Variants in RBFOX1 observed in about 807,000 individuals in gnomAD.
RBFOX1 encodes the protein RNA binding protein fox-1 homolog 1.
RBFOX1 carries 8 observed loss-of-function variants against 57.7 expected under a neutral mutation model. The observed-to-expected ratio is 0.14, with a 90% CI of 0.08 to 0.25. RBFOX1 has a LOEUF of 0.25. Ranked by LOEUF, RBFOX1 falls within the 10% of genes least tolerant of loss-of-function variation. RBFOX1 has a pLI of 1.00. For synonymous variants in RBFOX1, 326 were observed against 222.4 expected, an observed-to-expected ratio of 1.47 and a Z score of -4.15; for missense variants, 611 against 548.5, an observed-to-expected ratio of 1.11 and a Z score of -1.14.
At chr16:6,079,419 T>C (rs1416317011) in intron 1 of RBFOX1, among the ~76,000 whole-genome samples, 3 of 152,202 alleles carry the variant, frequency 2.0e-5, no homozygotes, top group Admixed American at 1.3e-4. Context: ...TCAAGTGATC[T>C]TCCTACTTCA....
intron 3 of RBFOX1, among the ~76,000 whole-genome samples, chr16:6,902,735 A>G (rs1043444475): frequency 1.3e-5 from 2 of 152,204 alleles, no homozygotes; most frequent in African/African-American, 4.8e-5. Context: ...AACAGGAAGA[A>G]GTGGTTTCCA....
intron 1 of RBFOX1, among the ~76,000 whole-genome samples, chr16:5,255,592 C>T (rs548734566): frequency 6.6e-6 from 1 of 152,042 alleles, no homozygotes; most frequent in East Asian, 2.0e-4. Context: ...ATCCCTCCAC[C>T]CATTCACCCA....
intron 3 of RBFOX1, among the ~76,000 whole-genome samples, chr16:6,788,313 C>T (rs929824852): frequency 5.3e-5 from 8 of 152,062 alleles, no homozygotes; most frequent in South Asian, 4.2e-4. Flanking sequence ...AATTCCCCAG[C>T]ATCTGCAGAG....
At chr16:7,131,103 G>C (rs376798230) in intron 4 of RBFOX1, among the ~76,000 whole-genome samples, 1 of 152,092 alleles carries the variant, frequency 6.6e-6, no homozygotes, top group Admixed American at 6.5e-5. Flanking sequence ...CCAGCATTTT[G>C]GGAAGCCAAG....
At chr16:7,417,797 A>G (rs1033963899) in intron 4 of RBFOX1, among the ~76,000 whole-genome samples, 35 of 152,306 alleles carry the variant, frequency 2.3e-4, no homozygotes, top group Non-Finnish European at 4.1e-4. Flanking sequence ...CCCTCTGTGC[A>G]TGTGTGTGGT....
chr16:5,598,048 G>A (rs2047244690), intron 2 of RBFOX1, among the ~76,000 whole-genome samples: 1 of 152,084 alleles, frequency 6.6e-6, no homozygotes, highest in Admixed American at 6.6e-5. Flanking sequence ...GGTAATGTTA[G>A]TACTTTGGGA....
chr16:5,919,446 G>T (rs552454737), intron 4 of RBFOX1, among the ~76,000 whole-genome samples: 7 of 152,082 alleles, frequency 4.6e-5, no homozygotes, highest in Non-Finnish European at 1.0e-4. Flanking sequence ...GGGTTCAAGC[G>T]ATTCTCCTGC....
intron 2 of RBFOX1, among the ~76,000 whole-genome samples, chr16:6,472,292 A>C (rs988050386): frequency 6.6e-6 from 1 of 152,162 alleles, no homozygotes; most frequent in South Asian, 2.1e-4. Context: ...TTAGGGAGAA[A>C]TGATTGGTAT....
intron 3 of RBFOX1, among the ~76,000 whole-genome samples, chr16:5,741,002 TA>T (rs1024384831): frequency 1.3e-5 from 2 of 152,024 alleles, no homozygotes; most frequent in Non-Finnish European, 2.9e-5. Context: ...AGGCAGGTGG[TA>T]AAAAATTAAA....
At chr16:7,654,197 C>A (rs937881502) in intron 12 of RBFOX1, among the ~76,000 whole-genome samples, 8 of 152,220 alleles carry the variant, frequency 5.3e-5, no homozygotes, top group Non-Finnish European at 1.2e-4. Context: ...TATGTAAATT[C>A]TCTTTGAGAC....
intron 1 of RBFOX1, among the ~76,000 whole-genome samples, chr16:6,139,472 G>T (rs981833769): frequency 6.6e-6 from 1 of 152,124 alleles, no homozygotes; most frequent in African/African-American, 2.4e-5. Flanking sequence ...ATTCAGCACA[G>T]TTCAGCCTGA....
chr16:7,480,349 C>G (rs200425282), intron 4 of RBFOX1, among the ~76,000 whole-genome samples: 2 of 152,156 alleles, frequency 1.3e-5, no homozygotes, highest in East Asian at 3.9e-4. Flanking sequence ...GCTGGTAGCA[C>G]TATCCTTTTA....
intron 3 of RBFOX1, among the ~76,000 whole-genome samples, chr16:6,699,234 G>A (rs974612617): frequency 2.0e-5 from 3 of 151,570 alleles, no homozygotes; most frequent in Non-Finnish European, 2.9e-5. Context: ...GACCACCTTA[G>A]CCTTGAACTC....
intron 3 of RBFOX1, among the ~76,000 whole-genome samples, chr16:6,738,675 C>A (rs892925464): frequency 6.6e-6 from 1 of 152,158 alleles, no homozygotes; most frequent in African/African-American, 2.4e-5. Context: ...CCCAAAAGAG[C>A]AGAATACACA....
intron 2 of RBFOX1, among the ~76,000 whole-genome samples, chr16:6,615,745 A>G (rs904397877): frequency 6.6e-6 from 1 of 152,146 alleles, no homozygotes; most frequent in East Asian, 1.9e-4. Flanking sequence ...GTCTCTCTAT[A>G]TAGCTTCCGT....
chr16:5,745,118 GT>G (rs1371933937), intron 3 of RBFOX1, among the ~76,000 whole-genome samples: 4 of 152,132 alleles, frequency 2.6e-5, no homozygotes, highest in Admixed American at 1.3e-4. Context: ...ACAGGCCCCG[GT>G]GTGTGATGTT....
chr16:6,816,508 A>G (rs934355281), intron 3 of RBFOX1, among the ~76,000 whole-genome samples: 2 of 151,292 alleles, frequency 1.3e-5, no homozygotes, highest in African/African-American at 2.4e-5. Context: ...TTGGGAAGCC[A>G]AGGCGGACAG....
intron 2 of RBFOX1, among the ~76,000 whole-genome samples, chr16:6,477,489 T>C (rs1428156008): frequency 6.6e-6 from 1 of 152,214 alleles, no homozygotes; most frequent in East Asian, 1.9e-4. Context: ...GGAATCCTTT[T>C]TTCTGAATAG....
intron 2 of RBFOX1, among the ~76,000 whole-genome samples, chr16:6,521,522 C>T (rs1476699199): frequency 6.9e-6 from 1 of 144,172 alleles, no homozygotes; most frequent in Admixed American, 6.9e-5. Context: ...TTCGCTTTTC[C>T]CTCCCTCCTT....
Sources: gnomAD v4.1 joint callset for allele counts (sites outside exome capture counted in the v4.1 genomes callset) on GRCh38, gnomAD v4.1.1 for gene constraint, MANE v1.5 for transcripts, NCBI Gene and HGNC (gene_info 2026-07-23, HGNC 2026-07-21) for gene names.